Variants in SUMF1 observed in about 807,000 individuals in gnomAD.
SUMF1 encodes sulfatase modifying factor 1.
In SUMF1, 48 loss-of-function variants were observed where a neutral mutation model predicts 47.6. The observed-to-expected ratio is 1.01, with a 90% confidence interval of 0.80 to 1.28. SUMF1 has a LOEUF of 1.28. SUMF1 is among the 50% of genes most tolerant of loss of function. The pLI is 0.00. For missense variants in SUMF1, 571 were observed against 485.4 expected (o/e 1.18, Z -1.66); for synonymous variants, 230 against 192.1 (o/e 1.20, Z -1.63).
At chr3:4,203,045 G>C (rs900949939) in intron 8 of SUMF1, among the ~76,000 whole-genome samples, 5 of 151,760 alleles carry the variant, frequency 3.3e-5, no homozygotes, top group African/African-American at 1.2e-4. Context: ...AAAATGTACT[G>C]AGAAGCAGCA....
At chr3:4,066,851 G>C (rs554815130) in intron 9 of SUMF1, among the ~76,000 whole-genome samples, 1 of 152,104 alleles carries the variant, frequency 6.6e-6, no homozygotes, top group Non-Finnish European at 1.5e-5. Flanking sequence ...CTGTGGCTTC[G>C]CATACGAGCA....
intron 8 of SUMF1, among the ~76,000 whole-genome samples, chr3:4,160,008 G>C (rs985476372): frequency 1.6e-4 from 24 of 152,188 alleles, no homozygotes; most frequent in African/African-American, 5.3e-4. Context: ...ACATTTGGGA[G>C]TTTGATTATT....
intron 1 of SUMF1, 51 bp downstream of exon 1, chr3:4,466,925 C>G (rs531455449): frequency 1.1e-5 from 17 of 1,589,968 alleles, no homozygotes; most frequent in Non-Finnish European, 1.4e-5. Context: ...ACTCCAACCC[C>G]GTCCAGGAAC....
intron 8 of SUMF1, among the ~76,000 whole-genome samples, chr3:4,176,248 A>C (rs1042180552): frequency 6.6e-6 from 1 of 152,154 alleles, no homozygotes; most frequent in South Asian, 2.1e-4. Flanking sequence ...AGATTCACCA[A>C]GGTTGAAATG....
At chr3:4,080,643 T>G (rs2125044730) in intron 8 of SUMF1, among the ~76,000 whole-genome samples, 1 of 152,218 alleles carries the variant, frequency 6.6e-6, no homozygotes, top group African/African-American at 2.4e-5. Context: ...GGACTTAACA[T>G]TAATCACACA....
chr3:4,243,007 G>T (rs754321899), intron 8 of SUMF1, among the ~76,000 whole-genome samples: 1 of 151,362 alleles, frequency 6.6e-6, no homozygotes, highest in Non-Finnish European at 1.5e-5. Context: ...TCTTGGGAGG[G>T]TGTATGTATC....
intron 8 of SUMF1, among the ~76,000 whole-genome samples, chr3:4,355,338 C>T (rs1465812600): frequency 6.6e-6 from 1 of 152,130 alleles, no homozygotes; most frequent in Non-Finnish European, 1.5e-5. Flanking sequence ...GCCTGGATGA[C>T]AGAGGAAGAT....
chr3:4,079,817 G>A lies in SUMF1; in HGVS notation c.1015-11072C>T, dbSNP rs565843280. On this transcript the variant is annotated intron_variant and NMD_transcript_variant, in intron 8 of 12. Coordinates refer to the SUMF1 transcript ENST00000448413. Reference sequence around the variant, plus strand: ...CCATTTATATGCCATTTCTGATCTAGTCCTATCTTTTAAACCTACAGATGG... The same window carrying A: ...CCATTTATATGCCATTTCTGATCTAATCCTATCTTTTAAACCTACAGATGG... Among the ~76,000 whole-genome samples, 42 of 151,244 alleles carry A rather than the reference G, an allele frequency of 2.8e-4. 1 individual carries two copies. The East Asian group carries it at 8.1e-3, about 29-fold the overall frequency.
intron 8 of SUMF1, among the ~76,000 whole-genome samples, chr3:4,263,540 C>T (rs1338244760): frequency 6.6e-6 from 1 of 152,158 alleles, no homozygotes; most frequent in Admixed American, 6.5e-5. Flanking sequence ...ACCAAGAATG[C>T]CACACTCATC....
At chr3:4,086,137 G>A (rs1214758236) in intron 8 of SUMF1, among the ~76,000 whole-genome samples, 1 of 150,738 alleles carries the variant, frequency 6.6e-6, no homozygotes, top group Non-Finnish European at 1.5e-5. Flanking sequence ...TGGCTGTTAG[G>A]CAAAATATAC....
Position 4,410,964 on chromosome 3 carries a change from A to T in SUMF1, c.855T>A (p.Pro285=), listed in dbSNP as rs751514235. 7 of 1,614,000 alleles carry T rather than the reference A, an allele frequency of 4.3e-6. No individual in the cohort carries two copies. Among genetic ancestry groups the T allele is most frequent in the Non-Finnish European group, 5.9e-6 (7 of 1,179,860 alleles). Residue 285 remains proline, a synonymous_variant, in exon 7 of 9, where the codon CCT becomes CCA. Transcript: ENST00000272902. ...TGTTGTATAAGCCATAACCATTGGG[A>T]GGGAAGGCATCAACCTAAAAACAAA... ...FQGTAPVDAF[P]PNGYGLYNIV...
intron 9 of SUMF1, among the ~76,000 whole-genome samples, chr3:4,049,894 G>T (rs536428143): frequency 3.9e-5 from 6 of 152,078 alleles, no homozygotes; most frequent in Admixed American, 3.9e-4. Context: ...TCAATGAGAC[G>T]AATGGGGAGC....
rs541037084 is a variant in SUMF1 at position 4,079,622 on chromosome 3, A to C, written c.1015-10877T>G. On this transcript the variant is annotated intron_variant and NMD_transcript_variant, in intron 8 of 12. Coordinates refer to the SUMF1 transcript ENST00000448413. ...TCTTGTTTGTGAAATGAGGCTGATGAAATCTACCTGATAGGTTGGTTGTGA... is the reference window on the plus strand; with the variant it reads ...TCTTGTTTGTGAAATGAGGCTGATGCAATCTACCTGATAGGTTGGTTGTGA... Among the ~76,000 whole-genome samples, 14 of 151,510 alleles carry C rather than the reference A, an allele frequency of 9.2e-5. No individual in the cohort carries two copies. In the South Asian group the frequency reaches 2.9e-3, roughly 32 times the overall value.
intron 8 of SUMF1, among the ~76,000 whole-genome samples, chr3:4,205,162 C>A (rs1695623991): frequency 6.6e-6 from 1 of 152,110 alleles, no homozygotes; most frequent in African/African-American, 2.4e-5. Flanking sequence ...TACTGCCCCA[C>A]CTAACTGATC....
At chr3:4,321,470 T>TAAAAAAAAAAAAAAAA (rs1206478992) in intron 8 of SUMF1, among the ~76,000 whole-genome samples, 1 of 63,734 alleles carries the variant, frequency 1.6e-5, no homozygotes, top group African/African-American at 5.6e-5. Context: ...AAGGAAATGC[T>TAAAAAAAAAAAAAAAA]AAAAAAAAAA....
intron 9 of SUMF1, among the ~76,000 whole-genome samples, chr3:4,041,928 T>C (rs969070708): frequency 2.0e-5 from 3 of 152,118 alleles, no homozygotes; most frequent in African/African-American, 7.2e-5. Flanking sequence ...ACATGAAAGG[T>C]ACTGTCTCAG....
rs149671209 is a variant in SUMF1, at chr3:4,285,289, G to C, written c.1014+91041C>G. 8.8e-3 allele frequency among the ~76,000 whole-genome samples: 1,337 copies of C among 152,164 alleles called. 14 individuals carry two copies. Among genetic ancestry groups the C allele is most frequent in the Non-Finnish European group, 0.014 (979 of 67,972 alleles). On this transcript the variant is annotated intron_variant and NMD_transcript_variant, in intron 8 of 12. Coordinates refer to the SUMF1 transcript ENST00000448413. Reference sequence around the variant, plus strand: ...GTATATAATACTTGCATTACTCCTAGGACTATGCTTAGAATGAGTATCTTT... The same window carrying C: ...GTATATAATACTTGCATTACTCCTACGACTATGCTTAGAATGAGTATCTTT...
At chr3:4,205,817 G>A (rs990011498) in intron 8 of SUMF1, among the ~76,000 whole-genome samples, 4 of 152,108 alleles carry the variant, frequency 2.6e-5, no homozygotes, top group Admixed American at 6.5e-5. Flanking sequence ...GGAGTTGGGG[G>A]AAAGGTGATG....
intron 8 of SUMF1, among the ~76,000 whole-genome samples, chr3:4,351,759 T>C (rs1402489919): frequency 6.6e-6 from 1 of 152,184 alleles, no homozygotes; most frequent in Admixed American, 6.5e-5. Flanking sequence ...GGCCACTTCA[T>C]TACCACATTG....
Sources: allele counts gnomAD v4.1 joint callset (sites outside exome capture counted in the v4.1 genomes callset), GRCh38; gene constraint gnomAD v4.1.1; transcripts MANE v1.5; gene names NCBI Gene and HGNC (gene_info 2026-07-23, HGNC 2026-07-21).